FHIT: variants seen among roughly 807,000 people sequenced by gnomAD.
The protein encoded by FHIT is bis(5'-adenosyl)-triphosphatase.
A neutral mutation model predicts 17.9 loss-of-function variants in FHIT; 19 were observed. That is an observed-to-expected ratio of 1.06 (90% CI 0.74 to 1.56). The LOEUF is 1.56. Among genes scored for constraint, FHIT ranks in the 40% most tolerant of loss-of-function variants. The probability of loss-of-function intolerance (pLI) is 0.00; values close to 1 mark genes in which losing one functional copy is unlikely to be tolerated. For synonymous variants in FHIT, 81 were observed against 69.7 expected, an observed-to-expected ratio of 1.16 and a Z score of -0.81; for missense variants, 248 against 189.2, an observed-to-expected ratio of 1.31 and a Z score of -1.82.
intron 5 of FHIT, among the ~76,000 whole-genome samples, chr3:60,195,566 T>TATATATATA (rs1702597361): frequency 7.1e-6 from 1 of 140,932 alleles, no homozygotes; most frequent in Non-Finnish European, 1.5e-5. Flanking sequence ...TATATTTATA[T>TATATATATA]TTATATAATT....
chr3:60,360,616 AC>A (rs1699868512), intron 5 of FHIT, among the ~76,000 whole-genome samples: 2 of 152,320 alleles, frequency 1.3e-5, no homozygotes, highest in African/African-American at 4.8e-5. Context: ...GAAATAGGTA[AC>A]TAATAAATAG....
chr3:60,852,585 T>C (rs1344137280), intron 3 of FHIT, among the ~76,000 whole-genome samples: 1 of 152,152 alleles, frequency 6.6e-6, no homozygotes, highest in Non-Finnish European at 1.5e-5. Context: ...AGCTGCCATA[T>C]GTCATTCCAT....
At chr3:60,140,982 G>C (rs1267157405) in intron 5 of FHIT, among the ~76,000 whole-genome samples, 1 of 152,088 alleles carries the variant, frequency 6.6e-6, no homozygotes, top group Non-Finnish European at 1.5e-5. Context: ...GGTCTAGGAT[G>C]GTTTCAGTCT....
chr3:60,576,422 A>T (rs376682161), intron 4 of FHIT, among the ~76,000 whole-genome samples: 1 of 152,096 alleles, frequency 6.6e-6, no homozygotes, highest in Non-Finnish European at 1.5e-5. Flanking sequence ...AAGCAAAAGG[A>T]AAGAAATGCA....
intron 5 of FHIT, among the ~76,000 whole-genome samples, chr3:60,018,750 C>G (rs374201590): frequency 1.3e-5 from 2 of 152,140 alleles, no homozygotes; most frequent in South Asian, 4.2e-4. Context: ...GGCCAAAGCG[C>G]GCGAATCACC....
At chr3:60,588,458 G>C (rs1553662950) in intron 4 of FHIT, among the ~76,000 whole-genome samples, 1 of 151,784 alleles carries the variant, frequency 6.6e-6, no homozygotes, top group East Asian at 1.9e-4. Flanking sequence ...AGAGGGGAAG[G>C]AGAAAGGGAG....
At position 60,915,197 on chromosome 3, in the gene FHIT, A is replaced by G. The variant is rs368145184; in HGVS notation, c.-110-93186T>C. ...TGCCCCTACTCACACCAGAAACCTA[A>G]TATGAGCAATGGGATTTCTGAATAG... is the stretch of plus-strand genomic sequence containing the variant. On this transcript the variant is annotated intron_variant, in intron 3 of 9. Transcript: ENST00000492590. 1.4e-4 allele frequency among the ~76,000 whole-genome samples: 22 copies of G among 152,216 alleles called. No individual in the cohort carries two copies. The South Asian group carries it at 4.1e-3, about 29-fold the overall frequency.
intron 3 of FHIT, among the ~76,000 whole-genome samples, chr3:60,938,677 G>A (rs1166279279): frequency 6.6e-6 from 1 of 152,148 alleles, no homozygotes; most frequent in Non-Finnish European, 1.5e-5. Flanking sequence ...TCACCAATGG[G>A]AAAGAATACC....
rs1700751120 is a variant in FHIT, at chr3:59,749,252, G to GTAAC, written c.*329_*332dup. 4.3e-6 allele frequency: 1 copy of GTAAC among 230,698 alleles called. No homozygotes were observed. The highest frequency in any genetic ancestry group is 8.6e-6 in the Non-Finnish European group (1 of 116,510). 14.3% of individuals were successfully genotyped at this position (230,698 alleles called of 1,614,324 possible). ...TTGAATTTCCTTTAAAAAAGTAACTGTAACTGTAATAGGTTTGTTGCCTAA... is the reference window on the plus strand; with the variant it reads ...TTGAATTTCCTTTAAAAAAGTAACTGTAACTAACTGTAATAGGTTTGTTGCCTAA... On this transcript the variant is annotated 3_prime_UTR_variant, in exon 10 of 10. Transcript: ENST00000492590.
At chr3:59,983,138 T>G (rs1038170761) in intron 7 of FHIT, among the ~76,000 whole-genome samples, 1 of 151,970 alleles carries the variant, frequency 6.6e-6, no homozygotes, top group East Asian at 1.9e-4. Context: ...GGGGTTTGGC[T>G]ACGTTGCCCA....
At chr3:60,843,624 A>T (rs939270049) in intron 3 of FHIT, among the ~76,000 whole-genome samples, 26 of 152,222 alleles carry the variant, frequency 1.7e-4, no homozygotes, top group Middle Eastern at 3.2e-3. Context: ...GGACACCTGG[A>T]TAACTAGAAA....
intron 4 of FHIT, among the ~76,000 whole-genome samples, chr3:60,765,259 CT>C (rs1299741145): frequency 6.6e-6 from 1 of 152,180 alleles, no homozygotes; most frequent in East Asian, 1.9e-4. Context: ...TCTCAAGTGT[CT>C]TTCTACTACA....
chr3:61,134,578 C>T (rs562867372), intron 2 of FHIT, among the ~76,000 whole-genome samples: 7 of 152,084 alleles, frequency 4.6e-5, no homozygotes, highest in African/African-American at 1.7e-4. Context: ...GGGCAGAGTC[C>T]TAGAAGTATC....
intron 3 of FHIT, among the ~76,000 whole-genome samples, chr3:61,016,567 C>G (rs142443130): frequency 6.6e-6 from 1 of 152,326 alleles, no homozygotes; most frequent in East Asian, 1.9e-4. Flanking sequence ...AGATAAGAGC[C>G]TGCAGCTATC....
At chr3:60,079,418 TA>T (rs780167107) in intron 5 of FHIT, among the ~76,000 whole-genome samples, 16 of 152,094 alleles carry the variant, frequency 1.1e-4, no homozygotes, top group African/African-American at 1.7e-4. Flanking sequence ...GAAGAGGGGT[TA>T]TTTTTTTTAC....
chr3:60,463,892 G>A (rs1490881770), intron 5 of FHIT, among the ~76,000 whole-genome samples: 1 of 152,202 alleles, frequency 6.6e-6, no homozygotes, highest in Non-Finnish European at 1.5e-5. Flanking sequence ...GATAGCAGCT[G>A]TTAATTATTA....
chr3:60,554,259 A>AG (rs2036668606), intron 4 of FHIT, among the ~76,000 whole-genome samples: 1 of 151,968 alleles, frequency 6.6e-6, no homozygotes, highest in South Asian at 2.1e-4. Context: ...AAAAAAGAAC[A>AG]AACAAAACGA....
At chr3:59,903,882 G>A (rs2107096322) in intron 8 of FHIT, among the ~76,000 whole-genome samples, 1 of 152,260 alleles carries the variant, frequency 6.6e-6, no homozygotes, top group Admixed American at 6.5e-5. Context: ...AGGCCAAGAT[G>A]TTTGGGCTTC....
At chr3:60,650,995 T>A (rs2039976669) in intron 4 of FHIT, among the ~76,000 whole-genome samples, 1 of 152,154 alleles carries the variant, frequency 6.6e-6, no homozygotes, top group Non-Finnish European at 1.5e-5. Context: ...TTTCCAAGTT[T>A]TGTTTTGTTT....
Sources: allele counts gnomAD v4.1 joint callset (sites outside exome capture counted in the v4.1 genomes callset), GRCh38; gene constraint gnomAD v4.1.1; transcripts MANE v1.5; gene names NCBI Gene and HGNC (gene_info 2026-07-23, HGNC 2026-07-21).